SLC25A30: variants seen among roughly 807,000 people sequenced by gnomAD.
The protein encoded by SLC25A30 is solute carrier family 25 member 30.
A neutral mutation model predicts 42.7 loss-of-function variants in SLC25A30; 29 were observed. That is an observed-to-expected ratio of 0.68 (90% confidence interval 0.51 to 0.93). SLC25A30 has a LOEUF of 0.93. Ranked by LOEUF, SLC25A30 falls within the 40% of genes least tolerant of loss-of-function variation. The pLI is 0.00. For missense variants in SLC25A30, 300 were observed against 359.7 expected, an observed-to-expected ratio of 0.83 and a Z score of 1.34; for synonymous variants, 124 against 131.0, an observed-to-expected ratio of 0.95 and a Z score of 0.37.
chr13:45,397,932 G>A (rs549553720), intron 8 of SLC25A30: 186 of 985,502 alleles, frequency 1.9e-4, no homozygotes, highest in African/African-American at 4.2e-4. Context: ...TGTTGCTTCC[G>A]TGCCATGTGG....
chr13:45,419,802 C>T (rs1007064085), upstream of SLC25A30, among the ~76,000 whole-genome samples: 2 of 151,490 alleles, frequency 1.3e-5, no homozygotes, highest in South Asian at 4.2e-4. Context: ...TGGTGATGGA[C>T]ACCTGTAATC....
At chr13:45,415,546 T>A (rs939915483) in intron 1 of SLC25A30, among the ~76,000 whole-genome samples, 25 of 151,548 alleles carry the variant, frequency 1.6e-4, no homozygotes, top group African/African-American at 5.8e-4. Context: ...AGGTCAGGAG[T>A]TCGAGACCAG....
intron 5 of SLC25A30, among the ~76,000 whole-genome samples, chr13:45,403,915 C>T (rs1465199895): frequency 7.1e-6 from 1 of 140,488 alleles, no homozygotes; most frequent in Admixed American, 7.6e-5. Flanking sequence ...CCAGCCTGGG[C>T]GACAGAGTGA....
the SLC25A30 span, among the ~76,000 whole-genome samples, chr13:45,425,406 A>T: frequency 2.6e-5 from 3 of 113,400 alleles, no homozygotes; most frequent in Non-Finnish European, 4.9e-5. Context: ...ATATGTATAT[A>T]TATAAATATA....
chr13:45,404,725 G>A (rs1373525999), intron 4 of SLC25A30, among the ~76,000 whole-genome samples: 4 of 152,066 alleles, frequency 2.6e-5, no homozygotes, highest in African/African-American at 9.7e-5. Flanking sequence ...GGCTGAGGCA[G>A]GAGAATCACT....
chr13:45,418,444 G>C (rs1390146557), upstream of SLC25A30: 1 of 151,762 alleles, frequency 6.6e-6, no homozygotes, highest in Non-Finnish European at 1.5e-5. Flanking sequence ...CGCCCCGTCC[G>C]CGCAAACACG....
At chr13:45,425,116 T>TA in the SLC25A30 span, among the ~76,000 whole-genome samples, 5 of 15,872 alleles carry the variant, frequency 3.2e-4, no homozygotes, top group African/African-American at 3.0e-4. Flanking sequence ...ATAAATATAT[T>TA]TATAAATATA....
chr13:45,405,912 A>G lies in SLC25A30; in HGVS notation c.278T>C (p.Leu93Ser). 6.2e-7 allele frequency: 1 copy of G among 1,614,200 alleles called. No homozygotes were observed. The highest frequency in any genetic ancestry group is 8.5e-7 in the Non-Finnish European group (1 of 1,180,026). ...TGGGCGTTCAATGAATAGTCGCTTC[A>G]AGCTCTGGTAAGTGCCTATCTTGAT... Reference protein sequence around the residue: ...GTIKIGTYQSLKRLFIERPED... With the variant: ...GTIKIGTYQSSKRLFIERPED... Residue 93 changes from leucine (L) to serine (S), a missense_variant, in exon 4 of 10, where the codon TTG (leucine) becomes TCG (serine). By Grantham distance (145) the Leu-to-Ser change is moderately radical (BLOSUM62 -2). Transcript: ENST00000519676.
chr13:45,425,537 A>T, the SLC25A30 span, among the ~76,000 whole-genome samples: 1 of 54,528 alleles, frequency 1.8e-5, no homozygotes, highest in African/African-American at 7.5e-5. Flanking sequence ...AATATGTATA[A>T]GTATATATAT....
At position 45,395,229 on chromosome 13, in the gene SLC25A30, A is replaced by G; in HGVS notation, c.*745T>C. ...GCTAAAAATCATAAAGCTAATTACT[A>G]ACATGACCTAAGACAGAACCTAAGC... On this transcript the variant is annotated 3_prime_UTR_variant, in exon 10 of 10. Transcript: ENST00000519676. 1.0e-6 allele frequency: 1 copy of G among 985,254 alleles called. No individual in the cohort carries two copies. The highest frequency in any genetic ancestry group is 1.2e-6 in the Non-Finnish European group (1 of 829,760). 61.0% of individuals were successfully genotyped at this position (985,254 alleles called of 1,614,324 possible). A position where few individuals can be genotyped will look rare whatever the true frequency, so the allele number is the denominator to read the frequency against.
In SLC25A30 at chr13:45,394,350, C is replaced by T. The variant is rs1881159924; in HGVS notation, c.*1624G>A. ...AGGGACCATTCATGCATAAGGAAGG[C>T]AAGGGAAAAATGCCTGCGAGGAAAA... is the stretch of plus-strand genomic sequence containing the variant. On this transcript the variant is annotated 3_prime_UTR_variant, in exon 10 of 10. Coordinates refer to ENST00000519676, the MANE Select transcript of SLC25A30 (RefSeq NM_001010875.4). 1.0e-6 allele frequency: 1 copy of T among 981,944 alleles called. No homozygotes were observed. Among genetic ancestry groups the T allele is most frequent in the Non-Finnish European group, 1.2e-6 (1 of 829,580 alleles). The allele number at this position is 981,944 out of a possible 1,614,324, so 60.8% of individuals were successfully genotyped here.
upstream of SLC25A30, among the ~76,000 whole-genome samples, chr13:45,420,702 G>A (rs1883870530): frequency 6.6e-6 from 1 of 151,966 alleles, no homozygotes; most frequent in Non-Finnish European, 1.5e-5. Context: ...TTGTGCTTTT[G>A]TTTTGTTTTG....
upstream of SLC25A30, among the ~76,000 whole-genome samples, chr13:45,423,430 C>A (rs1208863045): frequency 1.4e-5 from 2 of 144,590 alleles, no homozygotes; most frequent in South Asian, 2.2e-4. Context: ...AATTTTTATG[C>A]CCAAGGGTTA....
intron 2 of SLC25A30, among the ~76,000 whole-genome samples, chr13:45,411,089 GCCA>G (rs532257993): frequency 4.6e-5 from 7 of 151,268 alleles, no homozygotes; most frequent in Non-Finnish European, 1.0e-4. Context: ...ACAGGCCTGT[GCCA>G]CCACACCTGG....
chr13:45,395,760 A>C lies in SLC25A30; in HGVS notation c.*214T>G. On this transcript the variant is annotated 3_prime_UTR_variant, in exon 10 of 10. Coordinates refer to ENST00000519676, the MANE Select transcript of SLC25A30 (RefSeq NM_001010875.4). ...GTTGAAGGGCACTTCAGTGGTAAAGACTAGTGTTTGGATGTTAGTTTATGC... is the reference window on the plus strand; with the variant it reads ...GTTGAAGGGCACTTCAGTGGTAAAGCCTAGTGTTTGGATGTTAGTTTATGC... 1 of 1,432,380 alleles carries C rather than the reference A, an allele frequency of 7.0e-7. No individual in the cohort carries two copies. The allele number at this position is 1,432,380 out of a possible 1,614,324, so 88.7% of individuals were successfully genotyped here. A position where few individuals can be genotyped will look rare whatever the true frequency, so the allele number is the denominator to read the frequency against.
the SLC25A30 span, among the ~76,000 whole-genome samples, chr13:45,424,091 C>G: frequency 8.9e-5 from 4 of 44,716 alleles, no homozygotes; most frequent in Admixed American, 3.3e-4. Context: ...ATATATAAAT[C>G]TATAAATATA....
chr13:45,409,672 G>A (rs1882836260), intron 2 of SLC25A30, among the ~76,000 whole-genome samples: 1 of 152,170 alleles, frequency 6.6e-6, no homozygotes, highest in Admixed American at 6.6e-5. Flanking sequence ...AGCTGGGCGT[G>A]GTGGCAGGCA....
intron 7 of SLC25A30, among the ~76,000 whole-genome samples, chr13:45,400,637 T>C (rs1256427306): frequency 1.3e-5 from 2 of 151,994 alleles, no homozygotes; most frequent in Non-Finnish European, 2.9e-5. Context: ...GCTGGGACCA[T>C]AGCCATGCAC....
the SLC25A30 span, among the ~76,000 whole-genome samples, chr13:45,424,382 GATATATAA>G: frequency 1.0e-4 from 5 of 50,244 alleles, no homozygotes; most frequent in East Asian, 6.3e-4. Flanking sequence ...TAAATATATA[GATATATAA>G]ATATATAAAT....
Sources: gnomAD v4.1 joint callset for allele counts (sites outside exome capture counted in the v4.1 genomes callset) on GRCh38, gnomAD v4.1.1 for gene constraint, MANE v1.5 for transcripts, NCBI Gene and HGNC (gene_info 2026-07-23, HGNC 2026-07-21) for gene names.